Variants in SLC35F3 observed in about 807,000 individuals in gnomAD.
The protein encoded by SLC35F3 is solute carrier family 35 member F3.
Under a neutral mutation model 49.9 loss-of-function variants are expected in SLC35F3, and 25 were observed. The ratio of observed to expected loss-of-function variants is 0.50; its 90% CI spans 0.37 to 0.70. The LOEUF (loss-of-function observed/expected upper bound fraction) is 0.70. SLC35F3 is among the 30% of genes least tolerant of loss of function. SLC35F3 has a pLI of 0.00. For missense variants in SLC35F3, 525 were observed against 639.8 expected (o/e 0.82, Z 1.94); for synonymous variants, 275 against 265.4 (o/e 1.04, Z -0.35).
chr1:233,993,848 A>T (rs545156983), intron 2 of SLC35F3, among the ~76,000 whole-genome samples: 16 of 152,278 alleles, frequency 1.1e-4, no homozygotes, highest in Non-Finnish European at 1.6e-4. Flanking sequence ...TCTCAAAACC[A>T]TGGTCCCTAA....
At chr1:233,979,678 C>T (rs1397728345) in intron 2 of SLC35F3, among the ~76,000 whole-genome samples, 1 of 152,196 alleles carries the variant, frequency 6.6e-6, no homozygotes, top group Admixed American at 6.5e-5. Context: ...GATAGCTGCT[C>T]TTCATTCAGA....
intron 2 of SLC35F3, among the ~76,000 whole-genome samples, chr1:234,139,832 C>T (rs982392233): frequency 6.6e-6 from 1 of 151,610 alleles, no homozygotes; most frequent in Admixed American, 6.6e-5. Context: ...CCTGTAGTCC[C>T]AACTACTCAG....
At chr1:234,259,854 G>A (rs963966695) in intron 3 of SLC35F3, among the ~76,000 whole-genome samples, 4 of 151,814 alleles carry the variant, frequency 2.6e-5, no homozygotes, top group Non-Finnish European at 5.9e-5. Context: ...TATATTCAGT[G>A]ATATCTTTGT....
At chr1:233,981,557 C>T (rs943356015) in intron 2 of SLC35F3, among the ~76,000 whole-genome samples, 13 of 151,896 alleles carry the variant, frequency 8.6e-5, no homozygotes, top group Non-Finnish European at 1.8e-4. Context: ...TTACTGTCTA[C>T]GCATTGAAGA....
chr1:234,139,402 C>G (rs757456189), intron 2 of SLC35F3, among the ~76,000 whole-genome samples: 1 of 152,160 alleles, frequency 6.6e-6, no homozygotes, highest in Admixed American at 6.5e-5. Flanking sequence ...TGAAATAATA[C>G]TGTAGATCCC....
intron 2 of SLC35F3, among the ~76,000 whole-genome samples, chr1:233,956,321 A>G (rs760060936): frequency 6.6e-6 from 1 of 151,366 alleles, no homozygotes; most frequent in Non-Finnish European, 1.5e-5. Flanking sequence ...CACCCTCTTC[A>G]TACACACACA....
chr1:234,068,508 C>T (rs1353023139), intron 2 of SLC35F3, among the ~76,000 whole-genome samples: 1 of 152,008 alleles, frequency 6.6e-6, no homozygotes, highest in African/African-American at 2.4e-5. Flanking sequence ...CAGGCGCGTG[C>T]CACCATGCCT....
intron 2 of SLC35F3, among the ~76,000 whole-genome samples, chr1:233,982,805 G>C (rs1350425727): frequency 6.6e-6 from 1 of 152,206 alleles, no homozygotes; most frequent in Admixed American, 6.5e-5. Flanking sequence ...TTTATTCTCT[G>C]ATCGGGAGGG....
At chr1:234,105,899 G>T (rs745983255) in intron 2 of SLC35F3, among the ~76,000 whole-genome samples, 2 of 152,044 alleles carry the variant, frequency 1.3e-5, no homozygotes, top group Non-Finnish European at 2.9e-5. Flanking sequence ...GAGCCAGCTC[G>T]TAGCTGATCC....
At chr1:233,914,195 C>T (rs942299166) in intron 2 of SLC35F3, among the ~76,000 whole-genome samples, 1 of 152,192 alleles carries the variant, frequency 6.6e-6, no homozygotes, top group African/African-American at 2.4e-5. Context: ...CTCAGCTCCT[C>T]TCTCCTCCAA....
intron 3 of SLC35F3, among the ~76,000 whole-genome samples, chr1:234,281,531 G>C (rs1413042104): frequency 6.6e-6 from 1 of 152,168 alleles, no homozygotes; most frequent in African/African-American, 2.4e-5. Flanking sequence ...TTTTTCATTG[G>C]AAACAGTGAT....
chr1:234,010,319 A>T (rs548839390), intron 2 of SLC35F3, among the ~76,000 whole-genome samples: 16 of 152,318 alleles, frequency 1.1e-4, no homozygotes, highest in Non-Finnish European at 1.6e-4. Flanking sequence ...TGTAAGTCTC[A>T]CAAAGCAAAG....
At chr1:234,049,972 CT>C (rs1025281752) in intron 2 of SLC35F3, among the ~76,000 whole-genome samples, 4 of 152,096 alleles carry the variant, frequency 2.6e-5, no homozygotes, top group African/African-American at 9.7e-5. Context: ...TGAACTCATC[CT>C]TTTTTATGGC....
At chr1:233,960,418 G>A (rs970101451) in intron 2 of SLC35F3, among the ~76,000 whole-genome samples, 3 of 152,224 alleles carry the variant, frequency 2.0e-5, no homozygotes, top group Admixed American at 6.5e-5. Context: ...AGGTAACCCC[G>A]TGTCAGTTTA....
intron 4 of SLC35F3, among the ~76,000 whole-genome samples, chr1:234,309,672 A>C (rs1379611148): frequency 6.6e-6 from 1 of 152,244 alleles, no homozygotes; most frequent in Non-Finnish European, 1.5e-5. Flanking sequence ...TCCCGGCTGT[A>C]GGGCGTGGCA....
intron 3 of SLC35F3, among the ~76,000 whole-genome samples, chr1:234,292,971 A>C (rs2102986676): frequency 6.6e-6 from 1 of 152,334 alleles, no homozygotes; most frequent in East Asian, 1.9e-4. Flanking sequence ...CATTTCACAA[A>C]TGAAGAAAAC....
Position 234,231,545 on chromosome 1 carries a change from G to A in SLC35F3, c.412G>A (p.Gly138Ser), listed in dbSNP as rs1288722297. 9 of 1,613,962 alleles carry A rather than the reference G, an allele frequency of 5.6e-6. No homozygotes were observed. The Admixed American group carries it at 6.7e-5, about 12-fold the overall frequency. The change falls in exon 3 of 8, where the codon GGC becomes AGC. Residue 138 changes from glycine to serine, a missense_variant. By Grantham distance (56) the Gly-to-Ser change is moderately conservative. Coordinates refer to ENST00000366618, the MANE Select transcript of SLC35F3 (RefSeq NM_173508.4). This position sits in a 1 kb window ranked among gnomAD's most constrained non-coding sequence, Gnocchi z 5.4. ...GGCGCAACTCAAGAAGATCTTCTGG[G>A]GCGTGGCGGTCGTGCTGTGCGTGTG... ...SRAQLKKIFWGVAVVLCVCSS... is the reference protein window; with the variant it reads ...SRAQLKKIFWSVAVVLCVCSS...
At chr1:233,913,426 G>A (rs1317480488) in intron 2 of SLC35F3, among the ~76,000 whole-genome samples, 1 of 152,164 alleles carries the variant, frequency 6.6e-6, no homozygotes, top group Non-Finnish European at 1.5e-5. Context: ...ATCTCCTATA[G>A]TGTTGTCACT....
chr1:233,925,340 A>G (rs1361284766), intron 2 of SLC35F3, among the ~76,000 whole-genome samples: 23 of 152,184 alleles, frequency 1.5e-4, no homozygotes, highest in Non-Finnish European at 3.1e-4. Context: ...ATATATATTT[A>G]TAATAGTTAG....
Sources: gnomAD v4.1 joint callset for allele counts (sites outside exome capture counted in the v4.1 genomes callset) on GRCh38, gnomAD v4.1.1 for gene constraint, Gnocchi (gnomAD v3.1) non-coding constraint, MANE v1.5 for transcripts, NCBI Gene and HGNC (gene_info 2026-07-23, HGNC 2026-07-21) for gene names.